SLC9A2: variants seen among roughly 807,000 people sequenced by gnomAD.
SLC9A2 encodes sodium/hydrogen exchanger 2.
SLC9A2 carries 42 observed loss-of-function variants against 71.7 expected under a neutral mutation model. That is an observed-to-expected ratio of 0.59 (90% CI 0.46 to 0.76). The LOEUF is 0.76. SLC9A2 is among the 30% of genes least tolerant of loss of function. The probability of loss-of-function intolerance (pLI) is 0.00; values close to 1 mark genes in which losing one functional copy is unlikely to be tolerated. For synonymous variants in SLC9A2, 396 were observed against 392.5 expected (o/e 1.01, Z -0.10); for missense variants, 829 against 1,017.4 (o/e 0.81, Z 2.52).
chr2:102,651,996 T>A (rs570650322), intron 1 of SLC9A2, among the ~76,000 whole-genome samples: 2 of 152,320 alleles, frequency 1.3e-5, no homozygotes, highest in South Asian at 4.1e-4. Flanking sequence ...AGAGTCACAT[T>A]CTGTCATTCG....
At chr2:102,624,833 A>G (rs1676213911) in intron 1 of SLC9A2, among the ~76,000 whole-genome samples, 1 of 152,216 alleles carries the variant, frequency 6.6e-6, no homozygotes, top group Admixed American at 6.5e-5. Flanking sequence ...AGTTTGCTTC[A>G]TGAAGACGTC....
At chr2:102,695,470 T>A (rs953881291) in intron 7 of SLC9A2, among the ~76,000 whole-genome samples, 5 of 152,000 alleles carry the variant, frequency 3.3e-5, no homozygotes, top group African/African-American at 1.2e-4. Context: ...TATTAGCCAT[T>A]AGAGGCAGCA....
rs142693567 is a variant in SLC9A2, at chr2:102,691,291, A to AT, written c.1426-3115dup. On this transcript the variant is annotated intron_variant, in intron 5 of 11. Coordinates refer to ENST00000233969, the MANE Select transcript of SLC9A2 (RefSeq NM_003048.6). ...AGTTTGATGAAAAACTAAGGGTTGT[A>AT]TTTTTTTTATTCTGTATGGATGGTA... Among the ~76,000 whole-genome samples the AT allele has an allele frequency of 7.1e-3, 1,081 of 151,996 alleles. 11 individuals are homozygous for AT. Among genetic ancestry groups the AT allele is most frequent in the African/African-American group, 0.024 (979 of 41,452 alleles).
At chr2:102,668,267 A>AT (rs1279054248) in intron 3 of SLC9A2, among the ~76,000 whole-genome samples, 5 of 152,282 alleles carry the variant, frequency 3.3e-5, no homozygotes, top group Middle Eastern at 3.4e-3. Context: ...CTCAGAAGTT[A>AT]TACCCTCTTT....
At chr2:102,682,992 C>T (rs6738363) in intron 3 of SLC9A2, among the ~76,000 whole-genome samples, 3,407 of 152,186 alleles carry the variant, frequency 0.022, 134 homozygotes, top group African/African-American at 0.076. Context: ...GTCCATAGAC[C>T]TTTAAGTGTG....
intron 3 of SLC9A2, among the ~76,000 whole-genome samples, chr2:102,665,721 C>T (rs1230994538): frequency 8.1e-6 from 1 of 123,380 alleles, no homozygotes; most frequent in Non-Finnish European, 1.6e-5. Context: ...TTGCGGTGAG[C>T]CGAGATTGTG....
chr2:102,694,001 G>A (rs2104548066), intron 5 of SLC9A2, among the ~76,000 whole-genome samples: 1 of 152,194 alleles, frequency 6.6e-6, no homozygotes, highest in South Asian at 2.1e-4. Flanking sequence ...TAGAGAGGGT[G>A]TTTCACTATG....
At chr2:102,643,886 TC>T (rs1676660916) in intron 1 of SLC9A2, among the ~76,000 whole-genome samples, 1 of 149,142 alleles carries the variant, frequency 6.7e-6, no homozygotes, top group Non-Finnish European at 1.5e-5. Context: ...ACCTGTTGTA[TC>T]TTTTTAAATT....
At position 102,708,187 on chromosome 2, in the gene SLC9A2, C is replaced by T. The variant is rs1327032925; in HGVS notation, c.2137C>T (p.Arg713Cys). ...TVLNLQPRAR[R>C]FLPEQFSKKS... Reference sequence around the variant, plus strand: ...GCTCAATTTGCAGCCCAGAGCCAGGCGCTTCTTGCCAGAACAGTTCTCCAA... The same window carrying T: ...GCTCAATTTGCAGCCCAGAGCCAGGTGCTTCTTGCCAGAACAGTTCTCCAA... Residue 713 changes from arginine (R) to cysteine (C), a missense_variant, in exon 12 of 12, where the codon CGC becomes TGC. Physicochemically the swap from Arg to Cys is radical, Grantham distance 180 (BLOSUM62 -3). Coordinates refer to ENST00000233969, the MANE Select transcript of SLC9A2 (RefSeq NM_003048.6). 6.2e-7 allele frequency: 1 copy of T among 1,614,134 alleles called. No homozygotes were observed. Among genetic ancestry groups the T allele is most frequent in the Non-Finnish European group, 8.5e-7 (1 of 1,180,028 alleles).
At chr2:102,698,532 G>A (rs1558724113) in intron 7 of SLC9A2, among the ~76,000 whole-genome samples, 1 of 152,192 alleles carries the variant, frequency 6.6e-6, no homozygotes. Flanking sequence ...TGAGTCAAGA[G>A]GCTGATTGGG....
chr2:102,643,194 G>A lies in SLC9A2; in HGVS notation c.290-14370G>A, dbSNP rs140640131. Among the ~76,000 whole-genome samples the A allele has an allele frequency of 5.3e-3, 802 of 152,220 alleles. 9 individuals are homozygous for A. The highest frequency in any genetic ancestry group is 0.018 in the African/African-American group (751 of 41,512). On this transcript the variant is annotated intron_variant, in intron 1 of 11. Coordinates refer to ENST00000233969, the MANE Select transcript of SLC9A2 (RefSeq NM_003048.6). Reference sequence around the variant, plus strand: ...CGTCCATGTTCTCTGCGTTCTTTACGTCGTCCTTCCTGGCTCTACAGGGAG... The same window carrying A: ...CGTCCATGTTCTCTGCGTTCTTTACATCGTCCTTCCTGGCTCTACAGGGAG...
Position 102,708,975 on chromosome 2 carries a change from C to T in SLC9A2, c.*486C>T, listed in dbSNP as rs181320416. On this transcript the variant is annotated 3_prime_UTR_variant, in exon 12 of 12. Transcript: ENST00000233969. Reference sequence around the variant, plus strand: ...GTGACTCCTAAGCTCAGCGTGGAAGCTTTTCCCTGTCCTGACCCGATGGAG... The same window carrying T: ...GTGACTCCTAAGCTCAGCGTGGAAGTTTTTCCCTGTCCTGACCCGATGGAG... 43 of 158,616 alleles carry T rather than the reference C, an allele frequency of 2.7e-4. No individual in the cohort carries two copies. In the East Asian group the frequency reaches 7.7e-3, roughly 29 times the overall value. The allele number at this position is 158,616 out of a possible 1,614,324, so 9.8% of individuals were successfully genotyped here.
intron 2 of SLC9A2, among the ~76,000 whole-genome samples, chr2:102,658,804 A>G (rs1411541711): frequency 1.3e-5 from 2 of 151,978 alleles, no homozygotes; most frequent in South Asian, 2.1e-4. Flanking sequence ...CCTTTTACCC[A>G]CATACCTCCA....
chr2:102,640,198 T>C (rs1676548465), intron 1 of SLC9A2, among the ~76,000 whole-genome samples: 1 of 152,232 alleles, frequency 6.6e-6, no homozygotes, highest in Admixed American at 6.5e-5. Context: ...TTTGTTACCA[T>C]ACTAGGAAGA....
At chr2:102,698,079 C>G (rs1468160119) in intron 7 of SLC9A2, among the ~76,000 whole-genome samples, 1 of 152,146 alleles carries the variant, frequency 6.6e-6, no homozygotes, top group Non-Finnish European at 1.5e-5. Context: ...GCTTGTTCTT[C>G]CTTTTACTCT....
At chr2:102,691,117 A>C (rs1261495681) in intron 5 of SLC9A2, among the ~76,000 whole-genome samples, 1 of 152,160 alleles carries the variant, frequency 6.6e-6, no homozygotes, top group African/African-American at 2.4e-5. Flanking sequence ...AAGATGCAAA[A>C]CCAATAATTC....
chr2:102,695,713 G>C (rs1677742357), intron 7 of SLC9A2, among the ~76,000 whole-genome samples: 1 of 144,550 alleles, frequency 6.9e-6, no homozygotes, highest in Non-Finnish European at 1.5e-5. Context: ...CAAATGCAGA[G>C]ATTCAGACCA....
intron 2 of SLC9A2, 136 bp downstream of exon 2, chr2:102,658,163 C>G: frequency 1.6e-6 from 1 of 620,110 alleles, no homozygotes. Context: ...CAGGGCCCTT[C>G]ACTTGGTTTA....
chr2:102,704,452 C>A, intron 9 of SLC9A2, 92 bp from the exon 10 acceptor site: 1 of 1,291,256 alleles, frequency 7.7e-7, no homozygotes, highest in South Asian at 1.3e-5. Flanking sequence ...GGTGCAGATC[C>A]AAAGAAATGT....
Sources: gnomAD v4.1 joint callset for allele counts (sites outside exome capture counted in the v4.1 genomes callset) on GRCh38, gnomAD v4.1.1 for gene constraint, MANE v1.5 for transcripts, NCBI Gene and HGNC (gene_info 2026-07-23, HGNC 2026-07-21) for gene names.